The following CLASP1 variants were observed in gnomAD, a reference collection of about 807,000 sequenced individuals.
CLASP1 encodes the protein CLIP-associating protein 1.
A neutral mutation model predicts 192.3 loss-of-function variants in CLASP1; 38 were observed. That is an observed-to-expected ratio of 0.20 (90% CI 0.15 to 0.26). The LOEUF is 0.26. Ranked by LOEUF, CLASP1 falls within the 10% of genes least tolerant of loss-of-function variation. The pLI, the probability that CLASP1 is intolerant of heterozygous loss-of-function variation, is 1.00. For synonymous variants in CLASP1, 691 were observed against 712.8 expected (o/e 0.97, Z 0.49); for missense variants, 1,433 against 1,932.5 (o/e 0.74, Z 4.85).
intron 8 of CLASP1, among the ~76,000 whole-genome samples, chr2:121,495,928 T>A (rs2093513449): frequency 1.3e-5 from 2 of 152,226 alleles, no homozygotes; most frequent in South Asian, 4.1e-4. Context: ...AGGTGTTCAC[T>A]CCATTTTACA....
exon 40 of CLASP1, chr2:121,340,907 G>T (rs1233751113): frequency 1.2e-6 from 2 of 1,611,788 alleles, no homozygotes; most frequent in Admixed American, 3.3e-5. Context: ...GTTGCTGTTG[G>T]TGGTCTGGGC....
At position 121,507,788 on chromosome 2, in the gene CLASP1, T is replaced by C. The variant is rs572375203; in HGVS notation, c.645-4554A>G. The stretch of plus-strand genomic sequence containing the variant: ...AAAGCAACAATGGAGAACCCACTCA[T>C]TGTGCACAAGGGATCCTCAAAAAGG... On this transcript the variant is annotated intron_variant, in intron 7 of 39. Coordinates refer to ENST00000263710, the Ensembl canonical transcript of CLASP1. Among the ~76,000 whole-genome samples the C allele has an allele frequency of 1.1e-4, 17 of 152,232 alleles. No homozygotes were observed. The East Asian group carries it at 2.7e-3, about 24-fold the overall frequency.
At chr2:121,394,874 C>T (rs1458870392) in intron 30 of CLASP1, among the ~76,000 whole-genome samples, 3 of 152,098 alleles carry the variant, frequency 2.0e-5, no homozygotes, top group Non-Finnish European at 2.9e-5. Context: ...AGCGAGACTC[C>T]GTCTCAAACA....
chr2:121,478,665 CCACACACACCACA>C (rs1559365463), intron 8 of CLASP1, among the ~76,000 whole-genome samples: 2 of 95,540 alleles, frequency 2.1e-5, no homozygotes, highest in Non-Finnish European at 2.3e-5. Flanking sequence ...CACACACCCC[CCACACACACCACA>C]CACACACCCC....
chr2:121,471,186 C>A (rs929657101), intron 8 of CLASP1, among the ~76,000 whole-genome samples: 1 of 152,120 alleles, frequency 6.6e-6, no homozygotes, highest in Non-Finnish European at 1.5e-5. Flanking sequence ...AAGGCTGAGG[C>A]AGGAGCATCA....
intron 21 of CLASP1, among the ~76,000 whole-genome samples, chr2:121,426,640 A>G (rs1418692514): frequency 1.3e-5 from 2 of 152,190 alleles, no homozygotes; most frequent in Admixed American, 1.3e-4. Flanking sequence ...ATTAAGCCTC[A>G]AAGTAAATCT....
chr2:121,352,712 T>C (rs948554917), intron 37 of CLASP1, among the ~76,000 whole-genome samples: 1 of 152,228 alleles, frequency 6.6e-6, no homozygotes, highest in African/African-American at 2.4e-5. Flanking sequence ...TGGAGTGCAA[T>C]AGAGTCATCT....
At chr2:121,454,849 C>T (rs772346586) in intron 14 of CLASP1, among the ~76,000 whole-genome samples, 3 of 152,206 alleles carry the variant, frequency 2.0e-5, no homozygotes, top group Non-Finnish European at 4.4e-5. Context: ...ATGAAAACAA[C>T]AGCAGCAAAA....
chr2:121,403,763 C>T, intron 26 of CLASP1: 1 of 469,704 alleles, frequency 2.1e-6, no homozygotes, highest in Non-Finnish European at 4.3e-6. Flanking sequence ...GGGCATTTCC[C>T]CCTCAGCTGG....
At chr2:121,635,640 G>C (rs901667456) in intron 1 of CLASP1, among the ~76,000 whole-genome samples, 1 of 152,136 alleles carries the variant, frequency 6.6e-6, no homozygotes, top group African/African-American at 2.4e-5. Context: ...GTGATGGAGG[G>C]AAATATGTTA....
chr2:121,498,505 C>T (rs1189711606), intron 8 of CLASP1, among the ~76,000 whole-genome samples: 1 of 151,904 alleles, frequency 6.6e-6, no homozygotes, highest in Admixed American at 6.6e-5. Flanking sequence ...CTGCACCTGG[C>T]CAAATATAGG....
chr2:121,374,824 C>G (rs981571691), intron 34 of CLASP1, among the ~76,000 whole-genome samples: 1 of 152,194 alleles, frequency 6.6e-6, no homozygotes, highest in African/African-American at 2.4e-5. Flanking sequence ...GCCTGTAGTT[C>G]CACTGTGTCT....
chr2:121,532,737 C>G (rs1426733226), intron 2 of CLASP1: 2 of 151,882 alleles, frequency 1.3e-5, no homozygotes, highest in Non-Finnish European at 2.9e-5. Context: ...TGACATTTTT[C>G]CTTAGGTAGA....
At chr2:121,440,301 G>A (rs553116791) in intron 19 of CLASP1, among the ~76,000 whole-genome samples, 30 of 152,080 alleles carry the variant, frequency 2.0e-4, no homozygotes, top group African/African-American at 7.0e-4. Context: ...ATTTTGTTTT[G>A]TTTTCAGTCT....
intron 8 of CLASP1, among the ~76,000 whole-genome samples, chr2:121,479,024 A>ACCC (rs1559370727): frequency 2.9e-5 from 2 of 68,442 alleles, no homozygotes; most frequent in Non-Finnish European, 5.4e-5. Context: ...CACCACACAC[A>ACCC]CACACACCCC....
chr2:121,398,516 T>A (rs1250122326), intron 28 of CLASP1, 116 bp from the exon 30 acceptor site: 1 of 674,090 alleles, frequency 1.5e-6, no homozygotes, highest in African/African-American at 1.8e-5. Context: ...CTGTTCACAT[T>A]TTTAATAAAT....
intron 8 of CLASP1, among the ~76,000 whole-genome samples, chr2:121,480,629 T>C (rs903509896): frequency 2.6e-5 from 4 of 152,128 alleles, no homozygotes; most frequent in Non-Finnish European, 4.4e-5. Flanking sequence ...TAGGCTTCTG[T>C]TTCCCTGTGT....
chr2:121,499,512 C>CAAA (rs58681666), intron 8 of CLASP1, among the ~76,000 whole-genome samples: 8 of 132,110 alleles, frequency 6.1e-5, no homozygotes, highest in Non-Finnish European at 1.2e-4. Context: ...TGTGAATATT[C>CAAA]AAAAAAAAAA....
intron 6 of CLASP1, among the ~76,000 whole-genome samples, chr2:121,522,102 T>C (rs1343797578): frequency 6.6e-6 from 1 of 152,126 alleles, no homozygotes; most frequent in African/African-American, 2.4e-5. Flanking sequence ...AAGGGAGACA[T>C]GGATTGATTG....
Sources: gnomAD v4.1 joint callset for allele counts (sites outside exome capture counted in the v4.1 genomes callset) on GRCh38, gnomAD v4.1.1 for gene constraint, MANE v1.5 for transcripts, NCBI Gene and HGNC (gene_info 2026-07-23, HGNC 2026-07-21) for gene names.